Variants in PXDNL observed in about 807,000 individuals in gnomAD.
PXDNL encodes the protein probable oxidoreductase PXDNL.
A neutral mutation model predicts 150.8 loss-of-function variants in PXDNL; 145 were observed. That is an observed-to-expected ratio of 0.96 (90% CI 0.84 to 1.10). PXDNL has a LOEUF of 1.10. PXDNL is among the 50% of genes least tolerant of loss of function. PXDNL has a pLI of 0.00. For synonymous variants in PXDNL, 757 were observed against 725.7 expected (o/e 1.04, Z -0.69); for missense variants, 2,087 against 1,873.9 (o/e 1.11, Z -2.10).
At chr8:51,487,382 G>C (rs1810790329) in intron 5 of PXDNL, among the ~76,000 whole-genome samples, 1 of 151,852 alleles carries the variant, frequency 6.6e-6, no homozygotes, top group African/African-American at 2.4e-5. Context: ...TAGAGTTAAA[G>C]TCATATTCAG....
intron 4 of PXDNL, among the ~76,000 whole-genome samples, chr8:51,536,850 G>T (rs1225919809): frequency 6.6e-6 from 1 of 152,130 alleles, no homozygotes; most frequent in Non-Finnish European, 1.5e-5. Flanking sequence ...CGTGCTCTGA[G>T]GTGCAGAAAA....
At chr8:51,325,937 T>G (rs1805470593) in intron 21 of PXDNL, among the ~76,000 whole-genome samples, 1 of 152,192 alleles carries the variant, frequency 6.6e-6, no homozygotes, top group Non-Finnish European at 1.5e-5. Context: ...AAGTTACCTG[T>G]ATTGCTAGGC....
rs890103531 is a variant in PXDNL, at chr8:51,770,393, C to T, written c.164+38788G>A. 2.0e-5 allele frequency among the ~76,000 whole-genome samples: 3 copies of T among 152,134 alleles called. No homozygotes were observed. In the East Asian group the frequency reaches 5.8e-4, roughly 29 times the overall value. ...CATGGAGCTAATAGTAAAGCAAAAACGGGGCTCCAAGAACACTGGTTTAGC... is the reference window on the plus strand; with the variant it reads ...CATGGAGCTAATAGTAAAGCAAAAATGGGGCTCCAAGAACACTGGTTTAGC... On this transcript the variant is annotated intron_variant, in intron 1 of 22. Coordinates refer to ENST00000356297, the MANE Select transcript of PXDNL (RefSeq NM_144651.5).
intron 4 of PXDNL, among the ~76,000 whole-genome samples, chr8:51,512,524 T>A (rs1811444204): frequency 6.6e-6 from 1 of 152,184 alleles, no homozygotes. Flanking sequence ...TGAATGAATA[T>A]AACACACTCC....
chr8:51,334,972 T>C (rs993416610), intron 21 of PXDNL, among the ~76,000 whole-genome samples: 1 of 152,232 alleles, frequency 6.6e-6, no homozygotes, highest in African/African-American at 2.4e-5. Context: ...TCACTTTCTA[T>C]AATTGTTATT....
At chr8:51,616,125 A>G (rs562004109) in intron 2 of PXDNL, among the ~76,000 whole-genome samples, 1 of 152,378 alleles carries the variant, frequency 6.6e-6, no homozygotes, top group East Asian at 1.9e-4. Context: ...GGGGCAATTA[A>G]GGAGCCATTA....
At chr8:51,452,921 A>AACACATAC (rs1406481204) in intron 10 of PXDNL, among the ~76,000 whole-genome samples, 1 of 20,676 alleles carries the variant, frequency 4.8e-5, no homozygotes, top group Admixed American at 5.7e-4. Context: ...CACACACACA[A>AACACATAC]ACGCACACAC....
chr8:51,607,819 A>G (rs371791971), intron 2 of PXDNL, among the ~76,000 whole-genome samples: 5 of 133,584 alleles, frequency 3.7e-5, no homozygotes, highest in East Asian at 4.8e-4. Flanking sequence ...CAATTTGAGC[A>G]ACAGAGTGAG....
At chr8:51,459,624 A>T (rs1445354172) in intron 8 of PXDNL, among the ~76,000 whole-genome samples, 1 of 152,312 alleles carries the variant, frequency 6.6e-6, no homozygotes, top group East Asian at 1.9e-4. Context: ...CGTTATGCTC[A>T]TAAAACTTGT....
Position 51,378,845 on chromosome 8 carries a change from CTGAACATGTT to C in PXDNL, c.3558-4124_3558-4115del, listed in dbSNP as rs1221138874. 9.6e-4 allele frequency among the ~76,000 whole-genome samples: 146 copies of C among 152,130 alleles called. 8 individuals are homozygous for C. The highest frequency in any genetic ancestry group is 8.8e-5 in the Non-Finnish European group (6 of 68,036). ...ATGAACCCACCAGAAGGAAGAAACT[CTGAACATGTT>C]CGAACATCAGAAGGAACAAACTCTG... On this transcript the variant is annotated intron_variant, in intron 17 of 22. Coordinates refer to ENST00000356297, the MANE Select transcript of PXDNL (RefSeq NM_144651.5).
chr8:51,759,558 G>T (rs1306463958), intron 1 of PXDNL, among the ~76,000 whole-genome samples: 1 of 152,198 alleles, frequency 6.6e-6, no homozygotes, highest in Non-Finnish European at 1.5e-5. Flanking sequence ...GAGAGAGAGA[G>T]TAGGAGAGCA....
Position 51,413,139 on chromosome 8 carries a change from T to C in PXDNL, c.1904+11A>G. 1 of 1,479,936 alleles carries C rather than the reference T, an allele frequency of 6.8e-7. No individual in the cohort carries two copies. The highest frequency in any genetic ancestry group is 9.4e-7 in the Non-Finnish European group (1 of 1,058,650). 91.7% of individuals were successfully genotyped at this position (1,479,936 alleles called of 1,614,324 possible). ...AAACAAGGTTTCAATCTGTGTAAAA[T>C]AAATTCTTACTGTGAAAACAAATGT... On this transcript the variant is annotated intron_variant, in intron 15 of 22. Coordinates refer to ENST00000356297, the MANE Select transcript of PXDNL (RefSeq NM_144651.5).
Position 51,411,288 on chromosome 8 carries a change from C to A in PXDNL, c.2024G>T (p.Arg675Leu). ...FEHTLQLIRERVKQGLTVDLE... is the reference protein window; with the variant it reads ...FEHTLQLIRELVKQGLTVDLE... ...GTCCACAGTGAGCCCCTGCTTCACA[C>A]GTTCCCGTATCAGCTGCAGCGTGTG... is the stretch of plus-strand genomic sequence containing the variant. The change falls in exon 16 of 23, where the codon CGT becomes CTT. Residue 675 changes from arginine (R) to leucine (L), a missense_variant. Physicochemically the swap from Arg to Leu is moderately radical, Grantham distance 102 (BLOSUM62 -2). Coordinates refer to ENST00000356297, the MANE Select transcript of PXDNL (RefSeq NM_144651.5). The A allele has an allele frequency of 6.5e-7, 1 of 1,545,066 alleles. No homozygotes were observed. Among genetic ancestry groups the A allele is most frequent in the Non-Finnish European group, 8.7e-7 (1 of 1,149,516 alleles).
Position 51,331,488 on chromosome 8 carries a change from C to T in PXDNL, c.4146+8136G>A, listed in dbSNP as rs144175109. Among the ~76,000 whole-genome samples, 796 of 152,294 alleles carry T rather than the reference C, an allele frequency of 5.2e-3. 6 individuals carry two copies. Among genetic ancestry groups the T allele is most frequent in the Non-Finnish European group, 9.0e-3 (612 of 68,022 alleles). ...GGGGACAGAAGCTTCCTAGCCAGAACTCTGGGGAGGGCGTGAATCCGGCTT... is the reference window on the plus strand; with the variant it reads ...GGGGACAGAAGCTTCCTAGCCAGAATTCTGGGGAGGGCGTGAATCCGGCTT... On this transcript the variant is annotated intron_variant, in intron 21 of 22. Coordinates refer to ENST00000356297, the MANE Select transcript of PXDNL (RefSeq NM_144651.5).
intron 4 of PXDNL, among the ~76,000 whole-genome samples, chr8:51,532,038 T>G (rs1019185042): frequency 2.6e-5 from 4 of 151,950 alleles, no homozygotes; most frequent in Non-Finnish European, 5.9e-5. Context: ...GATGGCTTCT[T>G]GTGTAGATCA....
chr8:51,719,349 T>G (rs997117686), intron 1 of PXDNL, among the ~76,000 whole-genome samples: 13 of 152,194 alleles, frequency 8.5e-5, no homozygotes, highest in Admixed American at 5.2e-4. Context: ...ACCCCCAACC[T>G]GGTGCTCTCT....
chr8:51,531,040 A>G (rs1246077680), intron 4 of PXDNL, among the ~76,000 whole-genome samples: 3 of 151,802 alleles, frequency 2.0e-5, no homozygotes, highest in Non-Finnish European at 4.4e-5. Context: ...GAAAGTCCAA[A>G]TACGGAAAGT....
intron 2 of PXDNL, among the ~76,000 whole-genome samples, chr8:51,609,506 C>T (rs1416601885): frequency 6.6e-6 from 1 of 152,162 alleles, no homozygotes; most frequent in Non-Finnish European, 1.5e-5. Context: ...GTGTGATTAA[C>T]AGGGTAAATT....
At chr8:51,688,334 A>T (rs930665980) in intron 1 of PXDNL, among the ~76,000 whole-genome samples, 2 of 152,200 alleles carry the variant, frequency 1.3e-5, no homozygotes, top group Non-Finnish European at 2.9e-5. Context: ...AAGAATTTTT[A>T]AAAAAAGAAT....
Sources: allele counts gnomAD v4.1 joint callset (sites outside exome capture counted in the v4.1 genomes callset), GRCh38; gene constraint gnomAD v4.1.1; transcripts MANE v1.5; gene names NCBI Gene and HGNC (gene_info 2026-07-23, HGNC 2026-07-21).